Variants in ZFYVE9 observed in about 807,000 individuals in gnomAD.
ZFYVE9 encodes the protein zinc finger FYVE-type containing 9.
In ZFYVE9, 43 loss-of-function variants were observed where a neutral mutation model predicts 126.7. The ratio of observed to expected loss-of-function variants is 0.34; its 90% CI spans 0.27 to 0.44. ZFYVE9 has a LOEUF of 0.44. ZFYVE9 is among the 20% of genes least tolerant of loss of function. The pLI, the probability that ZFYVE9 is intolerant of heterozygous loss-of-function variation, is 1.00. For synonymous variants in ZFYVE9, 521 were observed against 597.4 expected, an observed-to-expected ratio of 0.87 and a Z score of 1.87; for missense variants, 1,476 against 1,697.0, an observed-to-expected ratio of 0.87 and a Z score of 2.29.
chr1:52,270,271 T>G (rs1645676284), intron 7 of ZFYVE9, among the ~76,000 whole-genome samples: 1 of 152,180 alleles, frequency 6.6e-6, no homozygotes, highest in African/African-American at 2.4e-5. Flanking sequence ...TTTTTTGTTT[T>G]GTTTTGTTTT....
At chr1:52,182,119 A>T (rs1644714706) in intron 1 of ZFYVE9, among the ~76,000 whole-genome samples, 1 of 147,984 alleles carries the variant, frequency 6.8e-6, no homozygotes, top group South Asian at 2.2e-4. Flanking sequence ...CCCGTCCAGG[A>T]GAGAGGTGGG....
intron 3 of ZFYVE9, 145 bp downstream of exon 3, chr1:52,233,421 A>C (rs997123507): frequency 2.2e-6 from 1 of 453,920 alleles, no homozygotes; most frequent in Non-Finnish European, 3.6e-6. Flanking sequence ...GGGAAGAAAT[A>C]ACATTTTTTA....
At chr1:52,296,809 TTTTG>T (rs1272885933) in intron 12 of ZFYVE9, among the ~76,000 whole-genome samples, 1 of 151,996 alleles carries the variant, frequency 6.6e-6, no homozygotes, top group Admixed American at 6.6e-5. Flanking sequence ...AAGCTCATTT[TTTTG>T]TTTGTTTTGT....
At chr1:52,214,827 G>C (rs1486410227) in intron 1 of ZFYVE9, among the ~76,000 whole-genome samples, 1 of 152,118 alleles carries the variant, frequency 6.6e-6, no homozygotes, top group East Asian at 1.9e-4. Context: ...CCCATTCTGA[G>C]GGCAGAGGAT....
intron 3 of ZFYVE9, among the ~76,000 whole-genome samples, chr1:52,233,797 G>C (rs548927590): frequency 6.6e-6 from 1 of 152,068 alleles, no homozygotes; most frequent in South Asian, 2.1e-4. Flanking sequence ...TTTGTTTGTT[G>C]GTTGGTTGGT....
chr1:52,225,889 C>T (rs1359628851), intron 2 of ZFYVE9, among the ~76,000 whole-genome samples: 1 of 152,122 alleles, frequency 6.6e-6, no homozygotes, highest in Non-Finnish European at 1.5e-5. Flanking sequence ...AGGACACCGA[C>T]ACACACGAGG....
At chr1:52,268,663 A>G (rs755347016) in intron 7 of ZFYVE9, 31 bp downstream of exon 7, 7 of 1,606,618 alleles carry the variant, frequency 4.4e-6, no homozygotes, top group Admixed American at 1.7e-5. Flanking sequence ...CTAAAATTGC[A>G]TAGCTACTTT....
At chr1:52,160,601 A>G (rs1376285003) in intron 1 of ZFYVE9, 2 of 712,920 alleles carry the variant, frequency 2.8e-6, no homozygotes, top group East Asian at 2.5e-5. Context: ...GGAATAGTCC[A>G]TAGAGTCGGG....
chr1:52,340,153 C>A lies in ZFYVE9; in HGVS notation c.3861C>A (p.Ser1287=), dbSNP rs1477246868. The change falls in exon 17 of 19, where the codon TCC becomes TCA. Residue 1287 remains serine, a synonymous_variant. Coordinates refer to ENST00000287727, the MANE Select transcript of ZFYVE9 (RefSeq NM_004799.4). ...KGVVSPIDGK[S]METITNVKIF... ...TCGTAAGTCCTATAGATGGGAAGTC[C>A]ATGGAGACTATAACAAATGTGAAGA... is the stretch of plus-strand genomic sequence containing the variant. The A allele has an allele frequency of 6.2e-7, 1 of 1,613,542 alleles. No individual in the cohort carries two copies. Among genetic ancestry groups the A allele is most frequent in the Non-Finnish European group, 8.5e-7 (1 of 1,179,648 alleles).
chr1:52,300,720 T>C (rs1404752935), intron 12 of ZFYVE9, among the ~76,000 whole-genome samples: 1 of 151,566 alleles, frequency 6.6e-6, no homozygotes, highest in Non-Finnish European at 1.5e-5. Context: ...TTGCCTGTAA[T>C]ATTTCTTACA....
intron 4 of ZFYVE9, among the ~76,000 whole-genome samples, chr1:52,255,245 C>T (rs886798157): frequency 2.0e-5 from 3 of 152,096 alleles, no homozygotes; most frequent in Admixed American, 6.6e-5. Context: ...TTAAATTATT[C>T]TTGGGCATAA....
rs543854874 is a variant in ZFYVE9 at position 52,344,799 on chromosome 1, A to C, written c.3971A>C (p.Asn1324Thr). Reference sequence around the variant, plus strand: ...TTCCTAGAAAACGATGACCAGCACAATTGCCTCAGTGATCCTGCAGATCAC... The same window carrying C: ...TTCCTAGAAAACGATGACCAGCACACTTGCCTCAGTGATCCTGCAGATCAC... ...VFFLENDDQH[N>T]CLSDPADHSR... Residue 1324 changes from asparagine to threonine, a missense_variant, in exon 18 of 19, where the codon AAT (asparagine) becomes ACT (threonine). Physicochemically the swap from Asn to Thr is moderately conservative, Grantham distance 65 (BLOSUM62 0). Coordinates refer to ENST00000287727, the MANE Select transcript of ZFYVE9 (RefSeq NM_004799.4). The C allele has an allele frequency of 6.2e-7, 1 of 1,614,082 alleles. No individual in the cohort carries two copies. The highest frequency in any genetic ancestry group is 2.2e-5 in the East Asian group (1 of 44,878).
At position 52,266,826 on chromosome 1, in the gene ZFYVE9, C is replaced by A; in HGVS notation, c.2450C>A (p.Ala817Glu). The A allele has an allele frequency of 6.3e-7, 1 of 1,598,182 alleles. No homozygotes were observed. Among genetic ancestry groups the A allele is most frequent in the Admixed American group, 1.8e-5 (1 of 56,658 alleles). Residue 817 changes from alanine to glutamate, a missense_variant, in exon 6 of 19, where the codon GCA becomes GAA. By Grantham distance (107) the Ala-to-Glu change is moderately radical. This residue lies in a region of ZFYVE9 where 669 missense variants were observed against 902.4 expected (regional missense o/e 0.74). Coordinates refer to ENST00000287727, the MANE Select transcript of ZFYVE9 (RefSeq NM_004799.4). ...GTGGGAGTTTTAAAGCACCCTGGAGCAGAAGGTAGGGGATCATGTGCTATT... is the reference window on the plus strand; with the variant it reads ...GTGGGAGTTTTAAAGCACCCTGGAGAAGAAGGTAGGGGATCATGTGCTATT... ...VPVGVLKHPG[A>E]EVAQPREQRR...
intron 17 of ZFYVE9, among the ~76,000 whole-genome samples, chr1:52,341,520 C>T (rs1490866517): frequency 6.6e-6 from 1 of 152,178 alleles, no homozygotes; most frequent in Admixed American, 6.5e-5. Flanking sequence ...TAAAAGTTCT[C>T]GTAAGCTGGT....
chr1:52,142,811 C>T lies in ZFYVE9; in HGVS notation c.-143+408C>T, dbSNP rs1413009858. On this transcript the variant is annotated intron_variant, in intron 1 of 18. Transcript: ENST00000287727. This position sits in a 1 kb window ranked among gnomAD's most constrained non-coding sequence, Gnocchi z 4.5. ...GCTTCCACGCGTCCCATACCGAGTC[C>T]CTCAGAATCCCGGTTGTGGCGGGGA... is the stretch of plus-strand genomic sequence containing the variant. Among the ~76,000 whole-genome samples, 2 of 152,194 alleles carry T rather than the reference C, an allele frequency of 1.3e-5. No homozygotes were observed.
At chr1:52,170,255 C>A (rs1644554715) in intron 1 of ZFYVE9, among the ~76,000 whole-genome samples, 1 of 152,088 alleles carries the variant, frequency 6.6e-6, no homozygotes, top group African/African-American at 2.4e-5. Context: ...AATTTGCTGG[C>A]ATATAGTTTT....
intron 15 of ZFYVE9, among the ~76,000 whole-genome samples, chr1:52,336,505 C>T (rs546398983): frequency 7.9e-5 from 12 of 151,502 alleles, no homozygotes; most frequent in South Asian, 2.1e-4. Context: ...TACAGTTGTG[C>T]GCCAACACGC....
chr1:52,271,324 C>G (rs556937079), intron 7 of ZFYVE9, among the ~76,000 whole-genome samples: 7 of 152,180 alleles, frequency 4.6e-5, no homozygotes, highest in Non-Finnish European at 7.3e-5. Flanking sequence ...AAAGCAAACT[C>G]TTTAATGCCA....
At chr1:52,309,312 A>T (rs1259846306) in intron 13 of ZFYVE9, among the ~76,000 whole-genome samples, 2 of 152,104 alleles carry the variant, frequency 1.3e-5, no homozygotes, top group African/African-American at 4.8e-5. Flanking sequence ...CCCCATTTCT[A>T]CAAAAAATAC....
Sources: gnomAD v4.1 joint callset for allele counts (sites outside exome capture counted in the v4.1 genomes callset) on GRCh38, gnomAD v4.1.1 for gene constraint, gnomAD v4.1.1 regional missense constraint, Gnocchi (gnomAD v3.1) non-coding constraint, MANE v1.5 for transcripts, NCBI Gene and HGNC (gene_info 2026-07-23, HGNC 2026-07-21) for gene names.